The following KREMEN2 variants were observed in gnomAD, a reference collection of about 807,000 sequenced individuals.
KREMEN2 encodes kringle containing transmembrane protein 2, also known as kremen protein 2.
KREMEN2 carries 43 observed loss-of-function variants against 49.8 expected under a neutral mutation model. The observed-to-expected ratio is 0.86, with a 90% CI of 0.68 to 1.11. The LOEUF (loss-of-function observed/expected upper bound fraction) is 1.11, where lower values mean the gene tolerates loss of function less well. KREMEN2 is among the 50% of genes most tolerant of loss of function. The pLI is 0.00. For synonymous variants in KREMEN2, 355 were observed against 304.9 expected (o/e 1.16, Z -1.71); for missense variants, 686 against 665.7 (o/e 1.03, Z -0.34).
Position 2,964,627 on chromosome 16 carries a change from A to C in KREMEN2, c.94+13A>C, listed in dbSNP as rs2071781682. ...CTGCACAGTCCAGGTAAGTCCCCGC[A>C]CGGCTGTCGGGCCGTGTTCACCACC... is the stretch of plus-strand genomic sequence containing the variant. On this transcript the variant is annotated intron_variant, in intron 1 of 8. Transcript: ENST00000303746. 1.3e-6 allele frequency: 2 copies of C among 1,569,818 alleles called. No individual in the cohort carries two copies. The highest frequency in any genetic ancestry group is 3.9e-5 in the Admixed American group (2 of 51,254).
Position 2,964,477 on chromosome 16 carries a change from C to A in KREMEN2, c.-44C>A. 1.4e-6 allele frequency: 2 copies of A among 1,455,320 alleles called. No individual in the cohort carries two copies. The highest frequency in any genetic ancestry group is 1.4e-5 in the African/African-American group (1 of 69,142). The allele number at this position is 1,455,320 out of a possible 1,614,324, so 90.2% of individuals were successfully genotyped here. A position where few individuals can be genotyped will look rare whatever the true frequency, so the allele number is the denominator to read the frequency against. Reference sequence around the variant, plus strand: ...CCCCGAAGCGACCCCGGGGGCAGCCCGGGCCGTGTCCGGGCGAGGGTGACC... The same window carrying A: ...CCCCGAAGCGACCCCGGGGGCAGCCAGGGCCGTGTCCGGGCGAGGGTGACC... On this transcript the variant is annotated 5_prime_UTR_variant, in exon 1 of 9. Coordinates refer to ENST00000303746, the MANE Select transcript of KREMEN2 (RefSeq NM_172229.3).
At chr16:2,965,056 G>A (rs1666250250) in intron 2 of KREMEN2, 23 bp downstream of exon 2, 1 of 1,501,496 alleles carries the variant, frequency 6.7e-7, no homozygotes, top group Non-Finnish European at 8.9e-7. Context: ...GCCTGCGCTG[G>A]GGGCGAGGCT....
Position 2,967,554 on chromosome 16 carries a change from C to T in KREMEN2, c.1128C>T (p.Val376=). 4 of 1,532,502 alleles carry T rather than the reference C, an allele frequency of 2.6e-6. No individual in the cohort carries two copies. In the South Asian group the frequency reaches 3.6e-5, roughly 14 times the overall value. 94.9% of individuals were successfully genotyped at this position (1,532,502 alleles called of 1,614,324 possible). A position where few individuals can be genotyped will look rare whatever the true frequency, so the allele number is the denominator to read the frequency against. ...GARVFSTVTA[V]SVLLLLLLGL... ...GGGTCTTCTCGACGGTGACGGCTGT[C>T]TCGGTGCTGCTGCTGCTGCTCCTGG... is the stretch of plus-strand genomic sequence containing the variant. Residue 376 remains valine, a synonymous_variant, in exon 8 of 9, where the codon GTC becomes GTT. Transcript: ENST00000303746.
rs1472926210 is a variant in KREMEN2 at position 2,966,816 on chromosome 16, AGGGGCCTGGGCGGGCCTCGAGGT to A, written c.640+31_640+53del. 1 of 1,606,964 alleles carries A rather than the reference AGGGGCCTGGGCGGGCCTCGAGGT, an allele frequency of 6.2e-7. No individual in the cohort carries two copies. Among genetic ancestry groups the A allele is most frequent in the Admixed American group, 1.7e-5 (1 of 59,582 alleles). On this transcript the variant is annotated intron_variant, in intron 5 of 8. Coordinates refer to ENST00000303746, the MANE Select transcript of KREMEN2 (RefSeq NM_172229.3). The surrounding 1 kb of genome is among the most constrained non-coding windows in gnomAD (Gnocchi z 8.4). Reference sequence around the variant, plus strand: ...TGAAGGTGAGGAGTGGGCGGGGACCAGGGGCCTGGGCGGGCCTCGAGGTGGGGCCTGGCCGGGCAGGGGAGCCG... The same window carrying A: ...TGAAGGTGAGGAGTGGGCGGGGACCAGGGGCCTGGCCGGGCAGGGGAGCCG...
chr16:2,968,035 G>A lies in KREMEN2; in HGVS notation c.*15G>A, dbSNP rs1567374581. ...CCGCTCTCTGACTCTGGGCCCCGAG[G>A]GTCCGCTGGGCCCGCCGCCGGCGAG... On this transcript the variant is annotated 3_prime_UTR_variant, in exon 9 of 9. Coordinates refer to ENST00000303746, the MANE Select transcript of KREMEN2 (RefSeq NM_172229.3). 1.3e-6 allele frequency: 2 copies of A among 1,539,724 alleles called. No homozygotes were observed. The highest frequency in any genetic ancestry group is 2.4e-5 in the East Asian group (1 of 41,522).
rs1245333253 is a variant in KREMEN2, at chr16:2,967,901, C to T, written c.1270C>T (p.Arg424Ter). 1 of 1,562,526 alleles carries T rather than the reference C, an allele frequency of 6.4e-7. No homozygotes were observed. Among genetic ancestry groups the T allele is most frequent in the East Asian group, 2.4e-5 (1 of 42,148 alleles). The change falls in exon 9 of 9, where the codon CGA (arginine) becomes TGA (stop). Residue 424 changes from arginine to a stop codon, truncating the protein, a stop_gained. Transcript: ENST00000303746. LOFTEE classifies it high-confidence loss of function. ...RSWAVWYQQP[R>*]GVALPCSPGD... ...CTGGGCTGTGTGGTACCAACAGCCC[C>T]GAGGGGTGGCCTTGCCCTGCTCCCC...
At position 2,966,703 on chromosome 16, in the gene KREMEN2, G is replaced by A; in HGVS notation, c.548G>A (p.Gly183Glu). 1 of 1,611,570 alleles carries A rather than the reference G, an allele frequency of 6.2e-7. No homozygotes were observed. The highest frequency in any genetic ancestry group is 8.5e-7 in the Non-Finnish European group (1 of 1,179,894). ...FCGSESDLAR[G>E]RLAPATDCDQ... ...GGCTCTGAAAGCGACCTGGCCCGGG[G>A]ACGCCTGGCCCCCGCCACCGACTGT... Residue 183 changes from glycine to glutamate, a missense_variant, in exon 5 of 9, where the codon GGA becomes GAA. Gly to Glu is a moderately conservative substitution (Grantham distance 98). Coordinates refer to ENST00000303746, the MANE Select transcript of KREMEN2 (RefSeq NM_172229.3). The surrounding 1 kb of genome is among the most constrained non-coding windows in gnomAD (Gnocchi z 8.4).
chr16:2,966,959 C>G lies in KREMEN2; in HGVS notation c.690C>G (p.Ile230Met). Residue 230 changes from isoleucine (I) to methionine (M), a missense_variant, in exon 6 of 9, where the codon ATC becomes ATG. Physicochemically the swap from Ile to Met is conservative, Grantham distance 10 (BLOSUM62 1). Coordinates refer to ENST00000303746, the MANE Select transcript of KREMEN2 (RefSeq NM_172229.3). This position sits in a 1 kb window ranked among gnomAD's most constrained non-coding sequence, Gnocchi z 8.4. ...ACTGGACAGCGCCTCAGGGCGTCAT[C>G]TACTCCCCGGACTTCCCGGACGAGT... ...QGNWTAPQGV[I>M]YSPDFPDEYG... 6.4e-7 allele frequency: 1 copy of G among 1,557,662 alleles called. No homozygotes were observed. The highest frequency in any genetic ancestry group is 8.7e-7 in the Non-Finnish European group (1 of 1,150,766).
intron 2 of KREMEN2, 146 bp from the exon 3 acceptor site, chr16:2,965,994 C>T (rs1596425920): frequency 1.5e-6 from 1 of 672,228 alleles, no homozygotes; most frequent in East Asian, 2.7e-5. Flanking sequence ...GTAGACAAAA[C>T]TGGAATTTGT....
At position 2,968,128 on chromosome 16, in the gene KREMEN2, C is replaced by T; in HGVS notation, c.*108C>T. 8.1e-7 allele frequency: 1 copy of T among 1,230,998 alleles called. No individual in the cohort carries two copies. The highest frequency in any genetic ancestry group is 1.1e-6 in the Non-Finnish European group (1 of 872,198). The allele number at this position is 1,230,998 out of a possible 1,614,324, so 76.3% of individuals were successfully genotyped here. On this transcript the variant is annotated 3_prime_UTR_variant, in exon 9 of 9. Coordinates refer to ENST00000303746, the MANE Select transcript of KREMEN2 (RefSeq NM_172229.3). The stretch of plus-strand genomic sequence containing the variant: ...CGCCTGTGTAGGGGCAGCTCGGCCT[C>T]TGGTCGCCTTGGGGAGACCAAAAGT...
chr16:2,967,690 C>A, intron 8 of KREMEN2, 86 bp downstream of exon 8: 2 of 1,547,418 alleles, frequency 1.3e-6, no homozygotes, highest in Non-Finnish European at 1.7e-6. Flanking sequence ...GAAGGAACTC[C>A]TGGGTTCTTA....
Position 2,967,311 on chromosome 16 carries a change from T to C in KREMEN2, c.974-9T>C. On this transcript the variant is annotated splice_polypyrimidine_tract_variant and intron_variant, in intron 6 of 8. Coordinates refer to ENST00000303746, the MANE Select transcript of KREMEN2 (RefSeq NM_172229.3). Reference sequence around the variant, plus strand: ...CTCTCCCCACCCCGCCTCACGCCCCTCTCCGCAGGGCTGCAGGACGCCGCT... The same window carrying C: ...CTCTCCCCACCCCGCCTCACGCCCCCCTCCGCAGGGCTGCAGGACGCCGCT... The C allele has an allele frequency of 1.5e-5, 20 of 1,355,524 alleles. No individual in the cohort carries two copies. Among genetic ancestry groups the C allele is most frequent in the Non-Finnish European group, 1.8e-5 (19 of 1,061,942 alleles). The allele number at this position is 1,355,524 out of a possible 1,614,324, so 84.0% of individuals were successfully genotyped here.
In KREMEN2 at chr16:2,966,256, T is replaced by TG; in HGVS notation, c.361+28dup. 6.2e-7 allele frequency: 1 copy of TG among 1,613,018 alleles called. No individual in the cohort carries two copies. The highest frequency in any genetic ancestry group is 1.1e-5 in the South Asian group (1 of 91,042). On this transcript the variant is annotated intron_variant, in intron 3 of 8. Transcript: ENST00000303746. The surrounding 1 kb of genome is among the most constrained non-coding windows in gnomAD (Gnocchi z 8.4). The stretch of plus-strand genomic sequence containing the variant: ...AGTGAGTAGCGCGGCTGGACAGAGG[T>TG]GGGAACGCTGCTGCATCTGGGAGGA...
chr16:2,967,785 C>T lies in KREMEN2; in HGVS notation c.1179-25C>T, dbSNP rs547172813. 7.1e-6 allele frequency: 11 copies of T among 1,548,194 alleles called. No homozygotes were observed. In the East Asian group the frequency reaches 1.2e-4, roughly 17 times the overall value. On this transcript the variant is annotated intron_variant, in intron 8 of 8. Transcript: ENST00000303746. ...ACGCTGCAGCGGGATTGGACCGGCT[C>T]GGCTGATGTCTGCTCCCTCTCTAGG...
chr16:2,964,734 C>T (rs1028902685), intron 1 of KREMEN2, 120 bp downstream of exon 1: 3 of 1,392,166 alleles, frequency 2.2e-6, no homozygotes, highest in African/African-American at 2.9e-5. Context: ...AGCTGAGCAG[C>T]CCGAGGGCTC....
At position 2,966,671 on chromosome 16, in the gene KREMEN2, C is replaced by T. The variant is rs777529404; in HGVS notation, c.516C>T (p.Cys172=). 9.3e-6 allele frequency: 15 copies of T among 1,611,102 alleles called. No homozygotes were observed. Among genetic ancestry groups the T allele is most frequent in the Non-Finnish European group, 1.2e-5 (14 of 1,179,934 alleles). ...CGGGCGTGGAGGCCGGTTACGCCTG[C>T]TTCTGTGGCTCTGAAAGCGACCTGG... ...QLAGVEAGYA[C]FCGSESDLAR... Residue 172 remains cysteine (C), a synonymous_variant, in exon 5 of 9, where the codon TGC becomes TGT. Transcript: ENST00000303746. The surrounding 1 kb of genome is among the most constrained non-coding windows in gnomAD (Gnocchi z 8.4).
At chr16:2,965,087 G>C in intron 2 of KREMEN2, 54 bp downstream of exon 2, 1 of 1,358,142 alleles carries the variant, frequency 7.4e-7, no homozygotes, top group African/African-American at 1.5e-5. Context: ...TTGCAGGGAT[G>C]GCCCGAAGCG....
At chr16:2,965,679 G>C (rs529627448) in intron 2 of KREMEN2, among the ~76,000 whole-genome samples, 139 of 151,938 alleles carry the variant, frequency 9.1e-4, no homozygotes, top group Non-Finnish European at 1.4e-3. Flanking sequence ...GCTGAGGCAG[G>C]AGAATCGCTT....
chr16:2,967,978 C>A lies in KREMEN2; in HGVS notation c.1347C>A (p.Ala449=). 1 of 1,584,722 alleles carries A rather than the reference C, an allele frequency of 6.3e-7. No individual in the cohort carries two copies. The highest frequency in any genetic ancestry group is 2.3e-5 in the East Asian group (1 of 44,020). The change falls in exon 9 of 9, where the codon GCC becomes GCA. Residue 449 remains alanine (A), a synonymous_variant. Transcript: ENST00000303746. The stretch of plus-strand genomic sequence containing the variant: ...CCGCGGGCTACCGGCCTCTGAGTGC[C>A]TCCAGCCAGAGCTCCCTGCGCTCGC... ...GSAAGYRPLS[A]SSQSSLRSLI...
Sources: allele counts gnomAD v4.1 joint callset (sites outside exome capture counted in the v4.1 genomes callset), GRCh38; gene constraint gnomAD v4.1.1; non-coding constraint Gnocchi (gnomAD v3.1); transcripts MANE v1.5; gene names NCBI Gene and HGNC (gene_info 2026-07-23, HGNC 2026-07-21).